The following PAK1IP1 variants were observed in gnomAD, a reference collection of about 807,000 sequenced individuals.
The protein encoded by PAK1IP1 is p21-activated protein kinase-interacting protein 1.
A neutral mutation model predicts 42.0 loss-of-function variants in PAK1IP1; 24 were observed. The observed-to-expected ratio is 0.57, with a 90% CI of 0.41 to 0.80. The LOEUF is 0.80. Ranked by LOEUF, PAK1IP1 falls within the 30% of genes least tolerant of loss-of-function variation. PAK1IP1 has a pLI of 0.00. For missense variants in PAK1IP1, 411 were observed against 467.9 expected (o/e 0.88, Z 1.12); for synonymous variants, 154 against 156.7 (o/e 0.98, Z 0.13).
chr6:10,691,255 A>C (rs1769271372), upstream of PAK1IP1, among the ~76,000 whole-genome samples: 1 of 152,210 alleles, frequency 6.6e-6, no homozygotes, highest in Non-Finnish European at 1.5e-5. Context: ...GAGTTTAAGA[A>C]AGAAGGGCTT....
upstream of PAK1IP1, chr6:10,694,970 G>A (rs1769746326): frequency 3.2e-6 from 5 of 1,582,748 alleles, no homozygotes; most frequent in Non-Finnish European, 3.4e-6. Context: ...GGCGGAAGAG[G>A]CACGTGCGCT....
At chr6:10,708,925 A>G (rs989068323) in intron 8 of PAK1IP1, 28 bp from the exon 9 acceptor site, 6 of 1,560,822 alleles carry the variant, frequency 3.8e-6, no homozygotes, top group Non-Finnish European at 5.2e-6. Flanking sequence ...GAAAATGCAC[A>G]TTATGAATGT....
chr6:10,694,602 AACC>A, upstream of PAK1IP1: 6 of 196,494 alleles, frequency 3.1e-5, no homozygotes, highest in South Asian at 2.2e-4. Flanking sequence ...GCCCCTAAGC[AACC>A]GGCCGGAAGT....
chr6:10,699,162 C>G (rs1769949867), intron 2 of PAK1IP1, among the ~76,000 whole-genome samples: 1 of 137,826 alleles, frequency 7.3e-6, no homozygotes, highest in African/African-American at 2.9e-5. Flanking sequence ...GACTGTGCCA[C>G]TGCACTCTAG....
intron 2 of PAK1IP1, 114 bp from the exon 3 acceptor site, chr6:10,702,254 AG>A: frequency 7.2e-6 from 6 of 835,064 alleles, no homozygotes; most frequent in East Asian, 2.7e-5. Context: ...AAAAAAAAAA[AG>A]AAAAAGAAAA....
upstream of PAK1IP1, chr6:10,694,610 GGAA>G: frequency 5.1e-6 from 1 of 196,918 alleles, no homozygotes; most frequent in South Asian, 7.3e-5. Context: ...GCAACCGGCC[GGAA>G]GTCGGCCCCA....
upstream of PAK1IP1, among the ~76,000 whole-genome samples, chr6:10,691,983 A>G (rs913924758): frequency 8.5e-5 from 13 of 152,224 alleles, no homozygotes; most frequent in African/African-American, 2.9e-4. Context: ...CTGGTAACAG[A>G]TTCTAAATAA....
intron 2 of PAK1IP1, among the ~76,000 whole-genome samples, chr6:10,700,093 C>G (rs1246913382): frequency 1.3e-5 from 2 of 152,126 alleles, no homozygotes; most frequent in African/African-American, 2.4e-5. Context: ...GCTTCTCGCT[C>G]TGTCACCCAG....
upstream of PAK1IP1, chr6:10,694,861 C>T (rs1769732131): frequency 1.5e-6 from 1 of 681,020 alleles, no homozygotes; most frequent in Non-Finnish European, 2.5e-6. Context: ...AGCCCTGGAG[C>T]CTGACGTATA....
At chr6:10,699,312 G>C (rs1769956479) in intron 2 of PAK1IP1, among the ~76,000 whole-genome samples, 1 of 152,098 alleles carries the variant, frequency 6.6e-6, no homozygotes, top group African/African-American at 2.4e-5. Context: ...AGGCATGAAA[G>C]GGATGGGAAG....
upstream of PAK1IP1, among the ~76,000 whole-genome samples, chr6:10,691,115 TATCTC>T (rs1305491152): frequency 1.3e-5 from 2 of 152,218 alleles, no homozygotes; most frequent in Non-Finnish European, 2.9e-5. Flanking sequence ...TCTCCAGACA[TATCTC>T]AGCATTTATA....
chr6:10,697,401 T>G lies in PAK1IP1; in HGVS notation c.162T>G (p.Phe54Leu). Residue 54 changes from phenylalanine to leucine, a missense_variant, in exon 2 of 10, where the codon TTT (phenylalanine) becomes TTG (leucine). Transcript: ENST00000379568. ...SLSAVAVNSRFVVTGSKDETI... is the reference protein window; with the variant it reads ...SLSAVAVNSRLVVTGSKDETI... ...CAGCAGTAGCTGTAAATAGTCGTTT[T>G]GTGGTCACTGGGAGCAAAGATGAAA... 1 of 1,614,108 alleles carries G rather than the reference T, an allele frequency of 6.2e-7. No individual in the cohort carries two copies. The highest frequency in any genetic ancestry group is 1.3e-5 in the African/African-American group (1 of 75,044).
At chr6:10,694,681 T>C (rs73439096), upstream of PAK1IP1, 13,960 of 306,280 alleles carry the variant, frequency 0.046, 1,392 homozygotes, top group African/African-American at 0.24. Context: ...GCCCGCTCCC[T>C]TCAGACGGGC....
At chr6:10,703,905 C>T (rs1287459209) in intron 5 of PAK1IP1, among the ~76,000 whole-genome samples, 1 of 152,174 alleles carries the variant, frequency 6.6e-6, no homozygotes, top group African/African-American at 2.4e-5. Context: ...GTGGTGGTTA[C>T]CTCTGAGCAA....
At position 10,707,450 on chromosome 6, in the gene PAK1IP1, A is replaced by G. The variant is rs774340999; in HGVS notation, c.776A>G (p.His259Arg). 5.0e-6 allele frequency: 8 copies of G among 1,610,536 alleles called. No homozygotes were observed. Among genetic ancestry groups the G allele is most frequent in the Non-Finnish European group, 6.8e-6 (8 of 1,176,820 alleles). Residue 259 changes from histidine to arginine, a missense_variant, in exon 8 of 10, where the codon CAT (histidine) becomes CGT (arginine). By Grantham distance (29) the His-to-Arg change is conservative (BLOSUM62 0). Coordinates refer to ENST00000379568, the MANE Select transcript of PAK1IP1 (RefSeq NM_017906.3). ...KDMFSFEIPE[H>R]HVIVSASSDG... ...ATGTTCAGTTTTGAAATTCCAGAGCATCATGTTATTGTTTCAGCATCGAGT... is the reference window on the plus strand; with the variant it reads ...ATGTTCAGTTTTGAAATTCCAGAGCGTCATGTTATTGTTTCAGCATCGAGT...
upstream of PAK1IP1, among the ~76,000 whole-genome samples, chr6:10,691,562 T>C (rs553460870): frequency 2.4e-3 from 361 of 152,258 alleles, 3 homozygotes; most frequent in African/African-American, 8.2e-3. Flanking sequence ...GGTGCCGAGC[T>C]GTCTGCTTGT....
chr6:10,701,101 G>C (rs1012178559), intron 2 of PAK1IP1, among the ~76,000 whole-genome samples: 8 of 151,734 alleles, frequency 5.3e-5, no homozygotes, highest in Non-Finnish European at 1.2e-4. Context: ...TTTTTGAGAT[G>C]CAGTCTTTCT....
At chr6:10,698,923 A>G (rs10440821) in intron 2 of PAK1IP1, among the ~76,000 whole-genome samples, 20,542 of 152,110 alleles carry the variant, frequency 0.14, 4,282 homozygotes, top group African/African-American at 0.45. Context: ...GTCAAAGGCC[A>G]GGCGCGGTGG....
upstream of PAK1IP1, among the ~76,000 whole-genome samples, chr6:10,693,763 T>C (rs963797355): frequency 3.9e-5 from 6 of 152,270 alleles, no homozygotes; most frequent in East Asian, 7.7e-4. Flanking sequence ...GGGGCCTGGC[T>C]CGTCCCCCAG....
Sources: gnomAD v4.1 joint callset for allele counts (sites outside exome capture counted in the v4.1 genomes callset) on GRCh38, gnomAD v4.1.1 for gene constraint, MANE v1.5 for transcripts, NCBI Gene and HGNC (gene_info 2026-07-23, HGNC 2026-07-21) for gene names.